Variants in VIT observed in about 807,000 individuals in gnomAD.
VIT encodes the protein vitrin.
In VIT, 99 loss-of-function variants were observed where a neutral mutation model predicts 78.0. The observed-to-expected ratio is 1.27, with a 90% CI of 1.08 to 1.50. VIT has a LOEUF of 1.50. VIT is among the 40% of genes most tolerant of loss of function. VIT has a pLI of 0.00. For missense variants in VIT, 1,126 were observed against 875.3 expected, an observed-to-expected ratio of 1.29 and a Z score of -3.61; for synonymous variants, 374 against 334.3, an observed-to-expected ratio of 1.12 and a Z score of -1.29.
At chr2:36,729,147 G>A (rs1385187615) in intron 2 of VIT, among the ~76,000 whole-genome samples, 1 of 152,024 alleles carries the variant, frequency 6.6e-6, no homozygotes, top group Non-Finnish European at 1.5e-5. Context: ...ACAGGTTTTT[G>A]ACCTAAGAGG....
intron 12 of VIT, among the ~76,000 whole-genome samples, chr2:36,797,765 G>C (rs903254794): frequency 5.9e-5 from 9 of 152,208 alleles, no homozygotes; most frequent in Admixed American, 3.3e-4. Context: ...GATGCATGAT[G>C]GGGCTAGCAC....
chr2:36,812,656 C>T (rs901934213), intron 15 of VIT, among the ~76,000 whole-genome samples: 3 of 152,086 alleles, frequency 2.0e-5, no homozygotes, highest in African/African-American at 7.2e-5. Context: ...ATAAATAAAA[C>T]ATTTTCTGTG....
chr2:36,716,980 G>A (rs1279761828), intron 2 of VIT, among the ~76,000 whole-genome samples: 1 of 144,154 alleles, frequency 6.9e-6, no homozygotes, highest in Non-Finnish European at 1.5e-5. Context: ...AGGGTCAAGC[G>A]ATTCTCCCAC....
At chr2:36,713,428 C>CAGG (rs1558507197) in intron 1 of VIT, among the ~76,000 whole-genome samples, 1 of 152,196 alleles carries the variant, frequency 6.6e-6, no homozygotes, top group Non-Finnish European at 1.5e-5. Flanking sequence ...CCAAATCAAG[C>CAGG]AGGGTCTTGA....
Position 36,733,188 on chromosome 2 carries a change from G to A in VIT, c.118+3697G>A, listed in dbSNP as rs968990515. 4.6e-5 allele frequency among the ~76,000 whole-genome samples: 7 copies of A among 152,272 alleles called. No homozygotes were observed. The South Asian group carries it at 6.2e-4, about 14-fold the overall frequency. The stretch of plus-strand genomic sequence containing the variant: ...GCAAAAAGGGGGATTTGGGCAGGAC[G>A]TGGGGTAGCTCACAGAACCCAAGGC... On this transcript the variant is annotated intron_variant, in intron 3 of 15. Coordinates refer to ENST00000379242, the MANE Select transcript of VIT (RefSeq NM_053276.4).
rs1388166228 is a variant in VIT at position 36,743,078 on chromosome 2, T to C, written c.119-22T>C. ...AAACTAATAGCACAAGGTGTAATTTTGACCTCATTTTGTATTCCCAGCTGT... is the reference window on the plus strand; with the variant it reads ...AAACTAATAGCACAAGGTGTAATTTCGACCTCATTTTGTATTCCCAGCTGT... On this transcript the variant is annotated intron_variant, in intron 3 of 15. Transcript: ENST00000379242. 5 of 1,613,582 alleles carry C rather than the reference T, an allele frequency of 3.1e-6. No individual in the cohort carries two copies. In the Admixed American group the frequency reaches 6.7e-5, roughly 22 times the overall value.
chr2:36,732,320 T>C (rs1667260225), intron 3 of VIT, among the ~76,000 whole-genome samples: 1 of 152,240 alleles, frequency 6.6e-6, no homozygotes, highest in African/African-American at 2.4e-5. Flanking sequence ...ATTCTAGCCT[T>C]ATTCTCAAAA....
chr2:36,805,429 T>A lies in VIT; in HGVS notation c.1163-9T>A, dbSNP rs768570862. On this transcript the variant is annotated splice_polypyrimidine_tract_variant and intron_variant, in intron 13 of 15. Coordinates refer to ENST00000379242, the MANE Select transcript of VIT (RefSeq NM_053276.4). ...ATCACTCCAAGCATGAATTTTCTTTTTCTTCCAGGTCGGGCCATCTCCTTT... is the reference window on the plus strand; with the variant it reads ...ATCACTCCAAGCATGAATTTTCTTTATCTTCCAGGTCGGGCCATCTCCTTT... The A allele has an allele frequency of 1.9e-6, 3 of 1,589,496 alleles. No homozygotes were observed. The Admixed American group carries it at 5.4e-5, about 28-fold the overall frequency.
chr2:36,784,268 G>T lies in VIT; in HGVS notation c.910+866G>T, dbSNP rs188664211. On this transcript the variant is annotated intron_variant, in intron 11 of 15. Coordinates refer to ENST00000379242, the MANE Select transcript of VIT (RefSeq NM_053276.4). ...TAGTCAGCCACCAATGGACAGTGAG[G>T]CTCAACCTTGCTGCATATGAGAATC... Among the ~76,000 whole-genome samples, 61 of 152,332 alleles carry T rather than the reference G, an allele frequency of 4.0e-4. 1 individual carries two copies. Among genetic ancestry groups the T allele is most frequent in the Admixed American group, 3.6e-3 (55 of 15,306 alleles).
chr2:36,698,117 C>A (rs1181122781), intron 1 of VIT, among the ~76,000 whole-genome samples: 1 of 148,744 alleles, frequency 6.7e-6, no homozygotes, highest in Non-Finnish European at 1.5e-5. Context: ...GTACAAAAAG[C>A]TTTAGACAAA....
At chr2:36,757,146 C>A (rs1668815562) in intron 5 of VIT, among the ~76,000 whole-genome samples, 1 of 152,180 alleles carries the variant, frequency 6.6e-6, no homozygotes, top group Non-Finnish European at 1.5e-5. Context: ...GGAATGCTTC[C>A]CATTATCCAG....
Position 36,773,776 on chromosome 2 carries a change from C to G in VIT, c.680-15C>G. On this transcript the variant is annotated splice_polypyrimidine_tract_variant and intron_variant, in intron 7 of 15. Transcript: ENST00000379242. ...AAATAAAATTCATGCTCTGACCAGTCAAATGTCCTTACAGATCTCTGGTCC... is the reference window on the plus strand; with the variant it reads ...AAATAAAATTCATGCTCTGACCAGTGAAATGTCCTTACAGATCTCTGGTCC... 6.3e-7 allele frequency: 1 copy of G among 1,578,482 alleles called. No individual in the cohort carries two copies. The highest frequency in any genetic ancestry group is 8.6e-7 in the Non-Finnish European group (1 of 1,160,558).
chr2:36,807,999 C>T (rs1468650423), intron 14 of VIT, among the ~76,000 whole-genome samples: 1 of 152,192 alleles, frequency 6.6e-6, no homozygotes, highest in Non-Finnish European at 1.5e-5. Context: ...CTGTGGGATC[C>T]CTTCCCGCCT....
chr2:36,808,614 T>A lies in VIT; in HGVS notation c.1532T>A (p.Ile511Asn), dbSNP rs762088008. Residue 511 changes from isoleucine (I) to asparagine (N), a missense_variant, in exon 15 of 16, where the codon ATT becomes AAT. Coordinates refer to ENST00000379242, the MANE Select transcript of VIT (RefSeq NM_053276.4). ...CSKTCLNSAD[I>N]GFVIDGSSSV... ...AAGACCTGCTTGAACTCGGCTGACA[T>A]TGGCTTCGTCATCGACGGCTCCAGC... 41 of 1,614,076 alleles carry A rather than the reference T, an allele frequency of 2.5e-5. No homozygotes were observed. The highest frequency in any genetic ancestry group is 1.7e-6 in the Non-Finnish European group (2 of 1,180,042).
chr2:36,753,985 G>A (rs1668620000), intron 4 of VIT, among the ~76,000 whole-genome samples: 1 of 152,302 alleles, frequency 6.6e-6, no homozygotes, highest in South Asian at 2.1e-4. Flanking sequence ...GGAATGAATG[G>A]CAATAACAGC....
At chr2:36,807,892 G>A (rs1666845917) in intron 14 of VIT, among the ~76,000 whole-genome samples, 1 of 152,164 alleles carries the variant, frequency 6.6e-6, no homozygotes, top group African/African-American at 2.4e-5. Context: ...TGTGGCAGGG[G>A]GTTATGATTC....
chr2:36,804,294 C>T (rs1391661796), intron 13 of VIT, among the ~76,000 whole-genome samples: 1 of 152,234 alleles, frequency 6.6e-6, no homozygotes, highest in Non-Finnish European at 1.5e-5. Context: ...CCAGTGGGTG[C>T]AACTCTTCCC....
chr2:36,709,016 G>T (rs1665629512), intron 1 of VIT, among the ~76,000 whole-genome samples: 1 of 152,142 alleles, frequency 6.6e-6, no homozygotes, highest in Admixed American at 6.5e-5. Flanking sequence ...CAGGTATGGT[G>T]GTGGATGCCT....
At chr2:36,747,378 A>G (rs1340950726) in intron 4 of VIT, among the ~76,000 whole-genome samples, 3 of 152,120 alleles carry the variant, frequency 2.0e-5, no homozygotes, top group Non-Finnish European at 1.5e-5. Flanking sequence ...CAAGGATCCA[A>G]CACTGTCAGT....
Sources: gnomAD v4.1 joint callset for allele counts (sites outside exome capture counted in the v4.1 genomes callset) on GRCh38, gnomAD v4.1.1 for gene constraint, MANE v1.5 for transcripts, NCBI Gene and HGNC (gene_info 2026-07-23, HGNC 2026-07-21) for gene names.